RUNDC3B: variants seen among roughly 807,000 people sequenced by gnomAD.
RUNDC3B encodes the protein RUN domain-containing protein 3B.
In RUNDC3B, 33 loss-of-function variants were observed where a neutral mutation model predicts 58.4. The observed-to-expected ratio is 0.56, with a 90% CI of 0.43 to 0.75. The LOEUF is 0.75. Among genes scored for constraint, RUNDC3B ranks in the 30% least tolerant of loss-of-function variants. The pLI is 0.00. For missense variants in RUNDC3B, 501 were observed against 535.7 expected (o/e 0.94, Z 0.64); for synonymous variants, 193 against 195.2 (o/e 0.99, Z 0.10).
chr7:87,659,079 AG>A (rs1446360551), intron 2 of RUNDC3B: 4 of 246,964 alleles, frequency 1.6e-5, no homozygotes, highest in Non-Finnish European at 3.2e-5. Context: ...ACTTAAGCCC[AG>A]GAAGTTGAGG....
Position 87,821,622 on chromosome 7 carries a change from G to A in RUNDC3B, c.1225+5360G>A, listed in dbSNP as rs62489871. On this transcript the variant is annotated intron_variant, in intron 10 of 10. Transcript: ENST00000394654. The stretch of plus-strand genomic sequence containing the variant: ...AAAAGAACAAAGCCAGAGGCATCAC[G>A]CTACCTGACTTCAAACTATACTACA... 2.2e-3 allele frequency among the ~76,000 whole-genome samples: 329 copies of A among 152,224 alleles called. 1 individual carries two copies. The highest frequency in any genetic ancestry group is 4.8e-3 in the South Asian group (23 of 4,814).
intron 4 of RUNDC3B, among the ~76,000 whole-genome samples, chr7:87,737,047 G>GCCA (rs1329036987): frequency 1.3e-5 from 2 of 150,384 alleles, no homozygotes; most frequent in Admixed American, 1.3e-4. Context: ...GCAGGCATGT[G>GCCA]CCACCACGTC....
intron 4 of RUNDC3B, among the ~76,000 whole-genome samples, chr7:87,728,245 C>T (rs1831363009): frequency 6.6e-6 from 1 of 152,128 alleles, no homozygotes; most frequent in Non-Finnish European, 1.5e-5. Flanking sequence ...AATCTCTTCT[C>T]CAGACCTTCT....
chr7:87,630,368 A>T (rs1406091947), intron 1 of RUNDC3B, among the ~76,000 whole-genome samples: 1 of 152,258 alleles, frequency 6.6e-6, no homozygotes, highest in East Asian at 1.9e-4. Context: ...TGTAATTATT[A>T]CAGCACTTTG....
intron 2 of RUNDC3B, among the ~76,000 whole-genome samples, chr7:87,693,696 A>G (rs977290421): frequency 2.6e-5 from 4 of 152,214 alleles, no homozygotes; most frequent in Non-Finnish European, 5.9e-5. Context: ...CCTCTCCAAT[A>G]CAATAAGCTA....
At chr7:87,647,270 A>G (rs1313511121) in intron 1 of RUNDC3B, among the ~76,000 whole-genome samples, 1 of 152,006 alleles carries the variant, frequency 6.6e-6, no homozygotes, top group Non-Finnish European at 1.5e-5. Flanking sequence ...CTAAGACATT[A>G]TTTGCCTTTT....
chr7:87,827,660 A>T (rs1188232304), intron 10 of RUNDC3B, among the ~76,000 whole-genome samples: 2 of 152,212 alleles, frequency 1.3e-5, no homozygotes, highest in Non-Finnish European at 2.9e-5. Context: ...CCCTTTATAT[A>T]AGGAAACAGA....
chr7:87,662,534 A>G (rs1302194772), intron 2 of RUNDC3B, among the ~76,000 whole-genome samples: 2 of 151,888 alleles, frequency 1.3e-5, no homozygotes, highest in Admixed American at 1.3e-4. Flanking sequence ...ATACATTTTC[A>G]GAATCTTTGT....
At chr7:87,724,589 C>A (rs1831101859) in intron 4 of RUNDC3B, among the ~76,000 whole-genome samples, 1 of 151,862 alleles carries the variant, frequency 6.6e-6, no homozygotes, top group Non-Finnish European at 1.5e-5. Flanking sequence ...CTTCCTGAAT[C>A]TGTAATAGAA....
intron 4 of RUNDC3B, among the ~76,000 whole-genome samples, chr7:87,724,125 A>C (rs998159971): frequency 6.6e-6 from 1 of 152,092 alleles, no homozygotes; most frequent in Non-Finnish European, 1.5e-5. Context: ...CAAGAGGCTG[A>C]AGTGGGAGGA....
intron 9 of RUNDC3B, among the ~76,000 whole-genome samples, chr7:87,811,016 A>T (rs1836686276): frequency 6.6e-6 from 1 of 152,200 alleles, no homozygotes; most frequent in South Asian, 2.1e-4. Context: ...ACACACACAT[A>T]GAATAATTAT....
intron 10 of RUNDC3B, among the ~76,000 whole-genome samples, chr7:87,822,390 A>C (rs1328081859): frequency 1.3e-5 from 2 of 152,226 alleles, no homozygotes; most frequent in Non-Finnish European, 2.9e-5. Context: ...AGGAAACAAC[A>C]GGTGCTGGAG....
intron 2 of RUNDC3B, among the ~76,000 whole-genome samples, chr7:87,673,291 G>T (rs1195467394): frequency 6.6e-6 from 1 of 152,126 alleles, no homozygotes; most frequent in Non-Finnish European, 1.5e-5. Context: ...ACATTTTCAT[G>T]GTTGTTATCC....
chr7:87,668,681 G>C (rs778765881), intron 2 of RUNDC3B, among the ~76,000 whole-genome samples: 1 of 151,510 alleles, frequency 6.6e-6, no homozygotes. Context: ...TTGTATTTTT[G>C]TTCTCATTAT....
chr7:87,671,937 G>A (rs1825861552), intron 2 of RUNDC3B, among the ~76,000 whole-genome samples: 1 of 152,114 alleles, frequency 6.6e-6, no homozygotes, highest in Non-Finnish European at 1.5e-5. Context: ...GGAGGCCCTG[G>A]TTGGGAGGTC....
At chr7:87,629,237 AAG>A (rs1820956093) in intron 1 of RUNDC3B, 1 of 320,690 alleles carries the variant, frequency 3.1e-6, no homozygotes, top group South Asian at 1.6e-4. Flanking sequence ...GTCAGAGTGA[AAG>A]AGGAGGGCAA....
At chr7:87,659,351 T>C in intron 2 of RUNDC3B, 3 of 279,580 alleles carry the variant, frequency 1.1e-5, no homozygotes, top group South Asian at 6.8e-5. Flanking sequence ...AATTCCATTT[T>C]TATTTATATT....
chr7:87,739,491 C>T (rs1832184789), intron 4 of RUNDC3B, among the ~76,000 whole-genome samples: 1 of 151,970 alleles, frequency 6.6e-6, no homozygotes, highest in Admixed American at 6.6e-5. Context: ...AAAATGCTGG[C>T]ACTCTAGACC....
chr7:87,773,532 C>T (rs1834418586), intron 7 of RUNDC3B, among the ~76,000 whole-genome samples: 1 of 152,028 alleles, frequency 6.6e-6, no homozygotes, highest in Non-Finnish European at 1.5e-5. Context: ...CTTCGATTAA[C>T]ACAATTAATA....
Sources: gnomAD v4.1 joint callset for allele counts (sites outside exome capture counted in the v4.1 genomes callset) on GRCh38, gnomAD v4.1.1 for gene constraint, MANE v1.5 for transcripts, NCBI Gene and HGNC (gene_info 2026-07-23, HGNC 2026-07-21) for gene names.